The following INPP5F variants were observed in gnomAD, a reference collection of about 807,000 sequenced individuals.
The protein encoded by INPP5F is phosphatidylinositide 4-phosphatase SAC2.
A neutral mutation model predicts 137.2 loss-of-function variants in INPP5F; 97 were observed. The observed-to-expected ratio is 0.71, with a 90% CI of 0.60 to 0.84. The LOEUF (loss-of-function observed/expected upper bound fraction) is 0.84. INPP5F is among the 40% of genes least tolerant of loss of function. The probability of loss-of-function intolerance (pLI) is 0.00; values close to 1 mark genes in which losing one functional copy is unlikely to be tolerated. For synonymous variants in INPP5F, 504 were observed against 476.9 expected, an observed-to-expected ratio of 1.06 and a Z score of -0.74; for missense variants, 1,271 against 1,371.9, an observed-to-expected ratio of 0.93 and a Z score of 1.16.
chr10:119,772,964 G>A (rs1008626263), intron 2 of INPP5F, among the ~76,000 whole-genome samples: 3 of 151,882 alleles, frequency 2.0e-5, no homozygotes, highest in African/African-American at 7.3e-5. Flanking sequence ...TGGCCAGGAT[G>A]GTCTTGAATT....
chr10:119,764,567 T>C (rs192735635), intron 2 of INPP5F, among the ~76,000 whole-genome samples: 554 of 151,932 alleles, frequency 3.6e-3, no homozygotes, highest in Non-Finnish European at 6.2e-3. Context: ...ATACATTTTC[T>C]CTTCCTTATG....
In INPP5F at chr10:119,803,659, T is replaced by C. The variant is rs143432917; in HGVS notation, c.1117-514T>C. ...TGTTAAGTTCATTAACAGATCCTGA[T>C]TGAATTTTGATTGGGATGGTTGAGT... On this transcript the variant is annotated intron_variant, in intron 9 of 19. Transcript: ENST00000650623. 1.2e-4 allele frequency among the ~76,000 whole-genome samples: 18 copies of C among 152,330 alleles called. No homozygotes were observed. In the East Asian group the frequency reaches 3.5e-3, roughly 29 times the overall value.
At position 119,748,748 on chromosome 10, in the gene INPP5F, G is replaced by A. The variant is rs1848611074; in HGVS notation, c.98-2328G>A. Among the ~76,000 whole-genome samples, 1 of 152,148 alleles carries A rather than the reference G, an allele frequency of 6.6e-6. No homozygotes were observed. The highest frequency in any genetic ancestry group is 2.1e-4 in the South Asian group (1 of 4,828). Reference sequence around the variant, plus strand: ...GATTGGTCCATGGGAGGCCACGGACGGCCTGGAGAAAGCACCCTGAGTTCT... The same window carrying A: ...GATTGGTCCATGGGAGGCCACGGACAGCCTGGAGAAAGCACCCTGAGTTCT... On this transcript the variant is annotated intron_variant, in intron 1 of 19. Coordinates refer to ENST00000650623, the MANE Select transcript of INPP5F (RefSeq NM_014937.4). The surrounding 1 kb of genome is among the most constrained non-coding windows in gnomAD (Gnocchi z 4.7).
At chr10:119,782,085 C>A (rs908674782) in intron 3 of INPP5F, among the ~76,000 whole-genome samples, 1 of 152,172 alleles carries the variant, frequency 6.6e-6, no homozygotes, top group Non-Finnish European at 1.5e-5. Context: ...CTGCACAGTA[C>A]AGTTTGAAAA....
chr10:119,803,404 C>A (rs1850661561), intron 9 of INPP5F, among the ~76,000 whole-genome samples: 1 of 152,122 alleles, frequency 6.6e-6, no homozygotes, highest in Non-Finnish European at 1.5e-5. Flanking sequence ...CCATATTTGC[C>A]CCACAGTGGT....
At chr10:119,796,334 ATACT>A (rs1850381594) in intron 6 of INPP5F, among the ~76,000 whole-genome samples, 2 of 152,328 alleles carry the variant, frequency 1.3e-5, no homozygotes, top group East Asian at 3.9e-4. Flanking sequence ...CATTTGTTAA[ATACT>A]TCCCATATGG....
intron 15 of INPP5F, among the ~76,000 whole-genome samples, chr10:119,814,879 T>G (rs539445040): frequency 6.6e-6 from 1 of 152,314 alleles, no homozygotes; most frequent in East Asian, 1.9e-4. Flanking sequence ...TTTTTTGTTT[T>G]TTTTTGGACA....
At chr10:119,804,403 T>C in intron 10 of INPP5F, 106 bp downstream of exon 10, 2 of 975,110 alleles carry the variant, frequency 2.1e-6, no homozygotes, top group South Asian at 2.4e-5. Context: ...AAATTTCTTC[T>C]CATTGTTGGA....
intron 2 of INPP5F, among the ~76,000 whole-genome samples, chr10:119,767,200 G>A (rs1401384689): frequency 6.8e-6 from 1 of 148,102 alleles, no homozygotes; most frequent in Non-Finnish European, 1.5e-5. Flanking sequence ...AGGAAGAAAT[G>A]AAGATCAATG....
At chr10:119,750,082 C>CT (rs1272317410) in intron 1 of INPP5F, among the ~76,000 whole-genome samples, 4 of 152,132 alleles carry the variant, frequency 2.6e-5, no homozygotes, top group Non-Finnish European at 5.9e-5. Context: ...AACAAGTCAA[C>CT]TTTTTTTGCC....
intron 2 of INPP5F, among the ~76,000 whole-genome samples, chr10:119,753,944 C>A (rs1030035403): frequency 9.2e-5 from 14 of 152,328 alleles, no homozygotes; most frequent in Admixed American, 3.9e-4. Flanking sequence ...TGGTCTCTGA[C>A]AAACTGCCTC....
chr10:119,784,822 A>G (rs1390969300), intron 3 of INPP5F, among the ~76,000 whole-genome samples: 1 of 152,210 alleles, frequency 6.6e-6, no homozygotes, highest in Non-Finnish European at 1.5e-5. Context: ...ATCCCCCGAA[A>G]AAACCCTGTC....
At chr10:119,772,716 C>T (rs1224117431) in intron 2 of INPP5F, among the ~76,000 whole-genome samples, 1 of 151,858 alleles carries the variant, frequency 6.6e-6, no homozygotes, top group Non-Finnish European at 1.5e-5. Flanking sequence ...ACTTTTTTTT[C>T]GTGTGGAGAA....
At chr10:119,825,159 T>G (rs1851710233) in intron 19 of INPP5F, among the ~76,000 whole-genome samples, 1 of 152,236 alleles carries the variant, frequency 6.6e-6, no homozygotes, top group East Asian at 1.9e-4. Flanking sequence ...GCCAAGAATT[T>G]TGGTTGCTAA....
intron 2 of INPP5F, among the ~76,000 whole-genome samples, chr10:119,766,017 C>T (rs1213788060): frequency 6.6e-6 from 1 of 151,738 alleles, no homozygotes; most frequent in Non-Finnish European, 1.5e-5. Flanking sequence ...TCTGGAGAAC[C>T]AGGAAAGCTG....
intron 4 of INPP5F, 44 bp downstream of exon 4, chr10:119,791,689 G>A: frequency 6.6e-7 from 1 of 1,511,620 alleles, no homozygotes; most frequent in Non-Finnish European, 9.0e-7. Flanking sequence ...CCTTTGATTA[G>A]TTTTAAATAG....
intron 1 of INPP5F, among the ~76,000 whole-genome samples, chr10:119,738,285 C>T (rs906424265): frequency 1.3e-5 from 2 of 152,090 alleles, no homozygotes; most frequent in African/African-American, 2.4e-5. Flanking sequence ...TTATAGATAA[C>T]GTTGATGATC....
intron 3 of INPP5F, among the ~76,000 whole-genome samples, chr10:119,786,748 G>T (rs1030550784): frequency 1.3e-5 from 2 of 151,828 alleles, no homozygotes; most frequent in African/African-American, 4.8e-5. Context: ...TGAATACCTG[G>T]GCTTAAGCAA....
intron 15 of INPP5F, chr10:119,815,673 T>C: frequency 3.4e-6 from 1 of 293,256 alleles, no homozygotes; most frequent in Non-Finnish European, 6.9e-6. Context: ...GCTCCATCAC[T>C]AACCAGGACA....
Sources: allele counts gnomAD v4.1 joint callset (sites outside exome capture counted in the v4.1 genomes callset), GRCh38; gene constraint gnomAD v4.1.1; non-coding constraint Gnocchi (gnomAD v3.1); transcripts MANE v1.5; gene names NCBI Gene and HGNC (gene_info 2026-07-23, HGNC 2026-07-21).